The following KIAA1755 variants were observed in gnomAD, a reference collection of about 807,000 sequenced individuals.
The protein encoded by KIAA1755 is uncharacterized protein KIAA1755.
In KIAA1755, 68 loss-of-function variants were observed where a neutral mutation model predicts 91.7. That is an observed-to-expected ratio of 0.74 (90% CI 0.61 to 0.91). The LOEUF (loss-of-function observed/expected upper bound fraction) is 0.91. Ranked by LOEUF, KIAA1755 falls within the 40% of genes least tolerant of loss-of-function variation. The pLI is 0.00. For missense variants in KIAA1755, 1,535 were observed against 1,494.4 expected (o/e 1.03, Z -0.45); for synonymous variants, 610 against 604.6 (o/e 1.01, Z -0.13).
rs74422073 is a variant in KIAA1755, at chr20:38,234,462, C to A, written c.1748-3137G>T. On this transcript the variant is annotated intron_variant, in intron 4 of 13. Coordinates refer to ENST00000279024, the MANE Select transcript of KIAA1755 (RefSeq NM_001029864.2). ...CACTGGGTCAAACTCATTGTTGCAT[C>A]CCTGTGCTCAGCACAAGGCTGGATA... 2.0e-3 allele frequency among the ~76,000 whole-genome samples: 300 copies of A among 152,284 alleles called. 3 individuals are homozygous for A. Among genetic ancestry groups the A allele is most frequent in the African/African-American group, 6.5e-3 (268 of 41,546 alleles).
intron 1 of KIAA1755, among the ~76,000 whole-genome samples, chr20:38,254,255 G>A (rs1467341760): frequency 7.9e-5 from 12 of 152,242 alleles, no homozygotes; most frequent in Non-Finnish European, 7.4e-5. Flanking sequence ...GTATCACTTA[G>A]CATCTGCCGC....
At chr20:38,260,294 G>T (rs1289226500) in intron 1 of KIAA1755, 1 of 1,550,088 alleles carries the variant, frequency 6.5e-7, no homozygotes, top group Admixed American at 2.0e-5. Flanking sequence ...ACATGGAGAA[G>T]CCAGGAGAGG....
intron 5 of KIAA1755, among the ~76,000 whole-genome samples, chr20:38,229,269 CGGCCTTAT>C (rs1221991320): frequency 6.6e-6 from 1 of 152,174 alleles, no homozygotes; most frequent in Non-Finnish European, 1.5e-5. Flanking sequence ...ATGATAGTAC[CGGCCTTAT>C]GGGCTGTAGT....
Position 38,246,027 on chromosome 20 carries a change from G to A in KIAA1755, c.103C>T (p.Leu35Phe). The stretch of plus-strand genomic sequence containing the variant: ...TCCCCCTGGAAGCCAGAGTCCAGGA[G>A]ACGGAACACCTGACCCAGGACGGTG... ...APTVLGQVFRLLDSGFQGDGL... is the reference protein window; with the variant it reads ...APTVLGQVFRFLDSGFQGDGL... Residue 35 changes from leucine to phenylalanine, a missense_variant, in exon 2 of 14, where the codon CTC becomes TTC. By Grantham distance (22) the Leu-to-Phe change is conservative. Transcript: ENST00000279024. 1.9e-6 allele frequency: 3 copies of A among 1,614,234 alleles called. No individual in the cohort carries two copies. Among genetic ancestry groups the A allele is most frequent in the Non-Finnish European group, 2.5e-6 (3 of 1,180,040 alleles).
At chr20:38,228,502 A>C (rs2075800689) in intron 5 of KIAA1755, among the ~76,000 whole-genome samples, 1 of 152,132 alleles carries the variant, frequency 6.6e-6, no homozygotes. Context: ...AACTCTAGCA[A>C]CTAACCCAGG....
At chr20:38,259,308 T>C (rs2076393896) in intron 1 of KIAA1755, among the ~76,000 whole-genome samples, 1 of 152,124 alleles carries the variant, frequency 6.6e-6, no homozygotes. Context: ...TTGCAATATG[T>C]CTGTGGTGTG....
At chr20:38,251,337 C>A (rs1179373128) in intron 1 of KIAA1755, among the ~76,000 whole-genome samples, 1 of 152,136 alleles carries the variant, frequency 6.6e-6, no homozygotes, top group Non-Finnish European at 1.5e-5. Flanking sequence ...TCACATGGTT[C>A]CATGTCATTT....
rs73283227 is a variant in KIAA1755 at position 38,217,995 on chromosome 20, G to A, written c.2679+249C>T. On this transcript the variant is annotated intron_variant, in intron 12 of 13. Transcript: ENST00000279024. ...AGGCTGAGTTATTAGGTCTAGGATGGGGCCCTGGAAACTGCATTTTAAGAA... is the reference window on the plus strand; with the variant it reads ...AGGCTGAGTTATTAGGTCTAGGATGAGGCCCTGGAAACTGCATTTTAAGAA... The A allele has an allele frequency of 3.0e-4, 165 of 547,482 alleles. 1 individual carries two copies. The African/African-American group carries it at 3.0e-3, about 10-fold the overall frequency. 33.9% of individuals were successfully genotyped at this position (547,482 alleles called of 1,614,324 possible). A position where few individuals can be genotyped will look rare whatever the true frequency, so the allele number is the denominator to read the frequency against.
Position 38,241,675 on chromosome 20 carries a change from G to A in KIAA1755, c.456C>T (p.Ala152=), listed in dbSNP as rs2076069510. 2 of 1,614,034 alleles carry A rather than the reference G, an allele frequency of 1.2e-6. No individual in the cohort carries two copies. Among genetic ancestry groups the A allele is most frequent in the Non-Finnish European group, 1.7e-6 (2 of 1,180,026 alleles). ...GATTTCCCTCAAAGTCACTGTTGAT[G>A]GCCTCCAGCCATTCTTGGGTGAAAA... ...PILFTQEWLE[A]INSDFEGNPL... Residue 152 remains alanine, a synonymous_variant, in exon 3 of 14, where the codon GCC becomes GCT. Coordinates refer to ENST00000279024, the MANE Select transcript of KIAA1755 (RefSeq NM_001029864.2).
rs531893820 is a variant in KIAA1755, at chr20:38,260,361, G to A, written c.3+137C>T. The A allele has an allele frequency of 3.7e-5, 59 of 1,587,792 alleles. No individual in the cohort carries two copies. The South Asian group carries it at 6.0e-4, about 16-fold the overall frequency. ...CCCCTGCTGGGGTGGAAGCAGGTAA[G>A]CACAACCCTGCCAAGGCACTGAGGG... On this transcript the variant is annotated intron_variant, in intron 1 of 13. Transcript: ENST00000279024.
At position 38,211,432 on chromosome 20, in the gene KIAA1755, T is replaced by C. The variant is rs1242799369; in HGVS notation, c.*1610A>G. 5.9e-5 allele frequency: 9 copies of C among 152,078 alleles called. No homozygotes were observed. The highest frequency in any genetic ancestry group is 2.2e-4 in the African/African-American group (9 of 41,390). 9.4% of individuals were successfully genotyped at this position (152,078 alleles called of 1,614,324 possible). On this transcript the variant is annotated 3_prime_UTR_variant, in exon 14 of 14. Transcript: ENST00000279024. ...GCAAACACTTTCAGCTTAATGACAC[T>C]CCAGAGAGGCGCTGGCAGGGGCCAC... is the stretch of plus-strand genomic sequence containing the variant.
In KIAA1755 at chr20:38,240,909, C is replaced by G. The variant is rs2076047745; in HGVS notation, c.1222G>C (p.Glu408Gln). The G allele has an allele frequency of 6.2e-7, 1 of 1,614,108 alleles. No homozygotes were observed. Among genetic ancestry groups the G allele is most frequent in the Non-Finnish European group, 8.5e-7 (1 of 1,179,966 alleles). The change falls in exon 3 of 14, where the codon GAG becomes CAG. Residue 408 changes from glutamate to glutamine, a missense_variant. Coordinates refer to ENST00000279024, the MANE Select transcript of KIAA1755 (RefSeq NM_001029864.2). The stretch of plus-strand genomic sequence containing the variant: ...CCAGGCCTGAGCTGCACCATATTCT[C>G]TGGGTTTCCTAGAGGTCCCTGCATC... The part of the protein sequence containing the change: ...SKMQGPLGNP[E>Q]NMVQLRPGPR...
intron 2 of KIAA1755, among the ~76,000 whole-genome samples, chr20:38,245,268 C>A (rs2076137434): frequency 6.6e-6 from 1 of 152,196 alleles, no homozygotes; most frequent in South Asian, 2.1e-4. Context: ...TGGGTTCCAG[C>A]CTTGTGGGAA....
rs577168630 is a variant in KIAA1755, at chr20:38,241,395, G to T, written c.736C>A (p.Pro246Thr). Residue 246 changes from proline (P) to threonine (T), a missense_variant, in exon 3 of 14, where the codon CCA (proline) becomes ACA (threonine). Physicochemically the swap from Pro to Thr is conservative, Grantham distance 38. Coordinates refer to ENST00000279024, the MANE Select transcript of KIAA1755 (RefSeq NM_001029864.2). ...GCTTGCTCCACCTTGATGAGTCCTG[G>T]ATACTTGCTCCCATATGTCCTGCCC... ...GKGRTYGSKY[P>T]GLIKVEQARC... 10 of 1,614,206 alleles carry T rather than the reference G, an allele frequency of 6.2e-6. No homozygotes were observed. The East Asian group carries it at 2.2e-4, about 36-fold the overall frequency.
At chr20:38,222,895 G>A (rs763329600) in intron 9 of KIAA1755, 4 of 481,962 alleles carry the variant, frequency 8.3e-6, no homozygotes, top group East Asian at 3.9e-5. Flanking sequence ...GCAGTTGAAC[G>A]GATCTCAAAG....
At chr20:38,248,935 T>A (rs1435123527) in intron 1 of KIAA1755, among the ~76,000 whole-genome samples, 2 of 152,030 alleles carry the variant, frequency 1.3e-5, no homozygotes, top group African/African-American at 2.4e-5. Context: ...AGTGCAGTGG[T>A]GCTATCTCGG....
At chr20:38,220,781 G>A (rs192799873) in intron 10 of KIAA1755, among the ~76,000 whole-genome samples, 12 of 152,326 alleles carry the variant, frequency 7.9e-5, no homozygotes, top group Non-Finnish European at 1.5e-4. Context: ...CATGCCTGCC[G>A]GCCCTGCCTC....
intron 1 of KIAA1755, among the ~76,000 whole-genome samples, chr20:38,250,492 G>GTGTGTGTGTGTGTGTC (rs774438750): frequency 8.5e-4 from 88 of 103,846 alleles, no homozygotes; most frequent in Admixed American, 2.7e-3. Flanking sequence ...ATTATGGTGT[G>GTGTGTGTGTGTGTGTC]TGTGTGTGTG....
chr20:38,233,300 T>G (rs1406589162), intron 4 of KIAA1755: 1 of 152,212 alleles, frequency 6.6e-6, no homozygotes, highest in African/African-American at 2.4e-5. Flanking sequence ...GATAGGTATG[T>G]GGGTATTCAT....
Sources: gnomAD v4.1 joint callset for allele counts (sites outside exome capture counted in the v4.1 genomes callset) on GRCh38, gnomAD v4.1.1 for gene constraint, MANE v1.5 for transcripts, NCBI Gene and HGNC (gene_info 2026-07-23, HGNC 2026-07-21) for gene names.